GARRE1: variants seen among roughly 807,000 people sequenced by gnomAD.
GARRE1 encodes the protein granule associated Rac and RHOG effector protein 1.
Under a neutral mutation model 103.2 loss-of-function variants are expected in GARRE1, and 49 were observed. That is an observed-to-expected ratio of 0.47 (90% CI 0.38 to 0.60). GARRE1 has a LOEUF of 0.60. GARRE1 is among the 20% of genes least tolerant of loss of function. The pLI, the probability that GARRE1 is intolerant of heterozygous loss-of-function variation, is 0.00. For missense variants in GARRE1, 1,199 were observed against 1,370.5 expected (o/e 0.87, Z 1.98); for synonymous variants, 505 against 532.8 (o/e 0.95, Z 0.72).
rs1184181521 is a variant in GARRE1, at chr19:34,254,803, G to C, written c.-796+189G>C. Among the ~76,000 whole-genome samples the C allele has an allele frequency of 2.0e-5, 3 of 149,648 alleles. No homozygotes were observed. In the East Asian group the frequency reaches 5.8e-4, roughly 29 times the overall value. On this transcript the variant is annotated intron_variant, in intron 1 of 13. Transcript: ENST00000299505. Reference sequence around the variant, plus strand: ...CCCTTGCCCGCCCGCTGTGGAGGACGCCGGGCTTTGCGGGCGCTGGCCGGC... The same window carrying C: ...CCCTTGCCCGCCCGCTGTGGAGGACCCCGGGCTTTGCGGGCGCTGGCCGGC...
chr19:34,353,240 A>G lies in GARRE1; in HGVS notation c.*285A>G. On this transcript the variant is annotated 3_prime_UTR_variant, in exon 14 of 14. Coordinates refer to ENST00000299505, the MANE Select transcript of GARRE1 (RefSeq NM_014686.5). ...GCATGCCTAGTAAGCGCCACAGGTG[A>G]CTCTGATGCAGGCGCCACAGCCACA... 2.3e-6 allele frequency: 1 copy of G among 433,642 alleles called. No individual in the cohort carries two copies. Among genetic ancestry groups the G allele is most frequent in the Non-Finnish European group, 4.1e-6 (1 of 244,626 alleles). 26.9% of individuals were successfully genotyped at this position (433,642 alleles called of 1,614,324 possible).
chr19:34,297,329 G>T (rs562984067), intron 1 of GARRE1, among the ~76,000 whole-genome samples: 1 of 152,270 alleles, frequency 6.6e-6, no homozygotes, highest in South Asian at 2.1e-4. Context: ...TGAATCTGTA[G>T]ATGAATTTGG....
intron 13 of GARRE1, among the ~76,000 whole-genome samples, chr19:34,351,961 G>C (rs1010897301): frequency 6.6e-6 from 1 of 152,198 alleles, no homozygotes; most frequent in Non-Finnish European, 1.5e-5. Flanking sequence ...AGCTAGGCAT[G>C]GTGGCACATG....
chr19:34,351,195 T>TC (rs2074234577), intron 12 of GARRE1, among the ~76,000 whole-genome samples: 1 of 69,406 alleles, frequency 1.4e-5, no homozygotes, highest in Non-Finnish European at 2.3e-5. Flanking sequence ...AGACTCAGTC[T>TC]CAAAAAAAAA....
chr19:34,339,685 C>T (rs569377522), intron 8 of GARRE1, among the ~76,000 whole-genome samples, 182 bp from the exon 9 acceptor site: 1 of 152,350 alleles, frequency 6.6e-6, no homozygotes, highest in Non-Finnish European at 1.5e-5. Context: ...TTGCTTCCTA[C>T]TCCTCTTGTG....
chr19:34,255,608 A>G (rs758168692), intron 1 of GARRE1, among the ~76,000 whole-genome samples: 39 of 151,952 alleles, frequency 2.6e-4, no homozygotes, highest in Non-Finnish European at 5.4e-4. Flanking sequence ...ACCGATGAGC[A>G]TTGAGATAGT....
intron 4 of GARRE1, 66 bp from the exon 5 acceptor site, chr19:34,327,705 C>G: frequency 2.0e-6 from 3 of 1,508,118 alleles, no homozygotes; most frequent in Non-Finnish European, 2.7e-6. Flanking sequence ...ATTTCTATTT[C>G]CATTGAACTT....
chr19:34,336,703 C>T (rs550350911), intron 8 of GARRE1, among the ~76,000 whole-genome samples: 11 of 152,218 alleles, frequency 7.2e-5, no homozygotes, highest in African/African-American at 2.6e-4. Context: ...CTCCTGACCT[C>T]GGGTAATCCA....
rs574190849 is a variant in GARRE1, at chr19:34,330,423, A to G, written c.1263+76A>G. On this transcript the variant is annotated intron_variant, in intron 7 of 13. Coordinates refer to ENST00000299505, the MANE Select transcript of GARRE1 (RefSeq NM_014686.5). ...GCATGTGAGGATGTGGTGCAGACAC[A>G]TGTGTGAAAATATTGAATAATTTAA... 556 of 1,348,516 alleles carry G rather than the reference A, an allele frequency of 4.1e-4. 1 individual carries two copies. The highest frequency in any genetic ancestry group is 5.6e-4 in the Non-Finnish European group (532 of 957,950). The allele number at this position is 1,348,516 out of a possible 1,614,324, so 83.5% of individuals were successfully genotyped here.
intron 2 of GARRE1, among the ~76,000 whole-genome samples, chr19:34,307,816 T>A (rs58283689): frequency 0.87 from 111,689 of 127,854 alleles, 49,395 homozygotes; most frequent in Middle Eastern, 0.94. Context: ...ATATATATAT[T>A]TTTTTTTTTT....
chr19:34,334,967 T>C (rs2074154329), intron 8 of GARRE1, among the ~76,000 whole-genome samples: 1 of 150,928 alleles, frequency 6.6e-6, no homozygotes, highest in South Asian at 2.1e-4. Context: ...CGCTTGAGCC[T>C]GGGAGACAGA....
At chr19:34,286,022 GC>G (rs904898091) in intron 1 of GARRE1, among the ~76,000 whole-genome samples, 6 of 152,094 alleles carry the variant, frequency 3.9e-5, no homozygotes, top group Non-Finnish European at 8.8e-5. Context: ...TGTGTAACCA[GC>G]CCCTTGGTTC....
rs906166186 is a variant in GARRE1, at chr19:34,353,430, TC to T, written c.*476del. ...TCACTGTATTTTATAGCTTTTTTTT[TC>T]ATGTAGGTTTTTAGTTAAAACATCT... is the stretch of plus-strand genomic sequence containing the variant. On this transcript the variant is annotated 3_prime_UTR_variant, in exon 14 of 14. Coordinates refer to ENST00000299505, the MANE Select transcript of GARRE1 (RefSeq NM_014686.5). The T allele has an allele frequency of 6.1e-6, 1 of 163,840 alleles. No homozygotes were observed. Among genetic ancestry groups the T allele is most frequent in the African/African-American group, 2.4e-5 (1 of 41,922 alleles). 10.1% of individuals were successfully genotyped at this position (163,840 alleles called of 1,614,324 possible).
At chr19:34,323,198 A>T (rs1004773645) in intron 3 of GARRE1, among the ~76,000 whole-genome samples, 1 of 151,106 alleles carries the variant, frequency 6.6e-6, no homozygotes, top group Admixed American at 6.6e-5. Flanking sequence ...CACCTGGCTA[A>T]TTTTTTGTAT....
intron 1 of GARRE1, among the ~76,000 whole-genome samples, chr19:34,288,655 C>T (rs2073900458): frequency 6.6e-6 from 1 of 152,232 alleles, no homozygotes; most frequent in South Asian, 2.1e-4. Flanking sequence ...ATGCAACCAC[C>T]TCAAAGCCAA....
chr19:34,348,802 C>T (rs1356328598), intron 11 of GARRE1: 1 of 569,146 alleles, frequency 1.8e-6, no homozygotes, highest in Non-Finnish European at 3.1e-6. Flanking sequence ...ATATACAAAC[C>T]ATAGGCTTCT....
chr19:34,306,614 A>G (rs1015906611), intron 2 of GARRE1, among the ~76,000 whole-genome samples: 2 of 152,206 alleles, frequency 1.3e-5, no homozygotes, highest in Non-Finnish European at 2.9e-5. Flanking sequence ...AGTTGTGACT[A>G]TGGGGTTTCA....
chr19:34,272,511 A>G (rs2073793846), intron 1 of GARRE1, among the ~76,000 whole-genome samples: 1 of 152,098 alleles, frequency 6.6e-6, no homozygotes, highest in African/African-American at 2.4e-5. Context: ...TGAAAGGGTA[A>G]AACTTGAAGA....
chr19:34,289,105 G>A (rs1306138808), intron 1 of GARRE1, among the ~76,000 whole-genome samples: 1 of 151,984 alleles, frequency 6.6e-6, no homozygotes, highest in African/African-American at 2.4e-5. Flanking sequence ...CTGCACTCCA[G>A]CCTGGGCAAC....
Sources: allele counts gnomAD v4.1 joint callset (sites outside exome capture counted in the v4.1 genomes callset), GRCh38; gene constraint gnomAD v4.1.1; transcripts MANE v1.5; gene names NCBI Gene and HGNC (gene_info 2026-07-23, HGNC 2026-07-21).